AGO2: variants seen among roughly 807,000 people sequenced by gnomAD.
The protein encoded by AGO2 is protein argonaute-2.
Under a neutral mutation model 102.3 loss-of-function variants are expected in AGO2, and 5 were observed. The observed-to-expected ratio is 0.05, with a 90% CI of 0.03 to 0.10. AGO2 has a LOEUF of 0.10. Ranked by LOEUF, AGO2 falls within the 10% of genes least tolerant of loss-of-function variation. AGO2 has a pLI of 1.00. For missense variants in AGO2, 541 were observed against 1,183.7 expected, an observed-to-expected ratio of 0.46 and a Z score of 7.97; for synonymous variants, 449 against 473.1, an observed-to-expected ratio of 0.95 and a Z score of 0.66.
At chr8:140,592,620 C>T (rs2073760718) in intron 1 of AGO2, 1 of 152,300 alleles carries the variant, frequency 6.6e-6, no homozygotes, top group South Asian at 2.1e-4. Context: ...TATTACTCTA[C>T]CTTTTACAAA....
chr8:140,555,676 T>A, intron 10 of AGO2: 1 of 618,810 alleles, frequency 1.6e-6, no homozygotes. Context: ...AAAAATTATC[T>A]TCTGAAAACA....
chr8:140,579,850 A>C (rs576959548), intron 2 of AGO2, among the ~76,000 whole-genome samples: 40 of 152,322 alleles, frequency 2.6e-4, no homozygotes, highest in African/African-American at 8.9e-4. Flanking sequence ...GCCCAGAGTC[A>C]CAGAGCTCTA....
At chr8:140,559,260 C>T (rs987317413) in intron 6 of AGO2, 135 bp downstream of exon 6, 22 of 1,110,402 alleles carry the variant, frequency 2.0e-5, no homozygotes, top group South Asian at 3.0e-5. Context: ...CATGCTACCT[C>T]ATCTGATGGC....
chr8:140,611,995 C>A (rs537221604), intron 1 of AGO2, among the ~76,000 whole-genome samples: 6 of 151,008 alleles, frequency 4.0e-5, no homozygotes, highest in African/African-American at 7.3e-5. Flanking sequence ...GAGGCCGAGG[C>A]GGGCGATCAC....
chr8:140,570,188 A>AGTAG (rs1373196244), intron 3 of AGO2, among the ~76,000 whole-genome samples: 2 of 152,110 alleles, frequency 1.3e-5, no homozygotes, highest in African/African-American at 2.4e-5. Context: ...AGTGGCTTTG[A>AGTAG]GTAGGTTCTC....
At chr8:140,584,566 C>A (rs2073619084) in intron 2 of AGO2, among the ~76,000 whole-genome samples, 1 of 152,156 alleles carries the variant, frequency 6.6e-6, no homozygotes, top group African/African-American at 2.4e-5. Context: ...TCATAATGGC[C>A]ACAGCCTAGA....
At chr8:140,551,211 C>G (rs1283397094) in intron 11 of AGO2, 92 bp downstream of exon 11, 32 of 1,376,336 alleles carry the variant, frequency 2.3e-5, no homozygotes, top group Non-Finnish European at 2.9e-5. Context: ...CCCTCACCCC[C>G]ACCCCAACCA....
chr8:140,578,814 C>T (rs1345591475), intron 2 of AGO2, among the ~76,000 whole-genome samples: 2 of 152,252 alleles, frequency 1.3e-5, no homozygotes, highest in African/African-American at 4.8e-5. Context: ...AGCAGCACCC[C>T]GCACGGGGCC....
chr8:140,641,458 T>A, the AGO2 span, among the ~76,000 whole-genome samples: 1 of 152,204 alleles, frequency 6.6e-6, no homozygotes, highest in Non-Finnish European at 1.5e-5. Flanking sequence ...CTTTATACTA[T>A]CATTCTTACC....
intron 1 of AGO2, among the ~76,000 whole-genome samples, chr8:140,609,411 A>C (rs1564114888): frequency 6.6e-6 from 1 of 152,188 alleles, no homozygotes; most frequent in Non-Finnish European, 1.5e-5. Context: ...GTATGGTCTA[A>C]ACAGCTGGCA....
chr8:140,635,789 C>CGCG (rs528099474), upstream of AGO2, among the ~76,000 whole-genome samples: 625 of 129,646 alleles, frequency 4.8e-3, 13 homozygotes, highest in East Asian at 0.07. Context: ...GGGCGGGGTC[C>CGCG]GCGGCGGCGG....
At chr8:140,608,811 A>C (rs2074038747) in intron 1 of AGO2, among the ~76,000 whole-genome samples, 1 of 152,214 alleles carries the variant, frequency 6.6e-6, no homozygotes, top group African/African-American at 2.4e-5. Context: ...CCAGGGCAGC[A>C]AGGGTCATAG....
rs979376319 is a variant in AGO2 at position 140,574,074 on chromosome 8, A to G, written c.216-1142T>C. Among the ~76,000 whole-genome samples the G allele has an allele frequency of 7.2e-5, 11 of 152,156 alleles. No individual in the cohort carries two copies. The South Asian group carries it at 2.3e-3, about 32-fold the overall frequency. On this transcript the variant is annotated intron_variant, in intron 2 of 18. Coordinates refer to ENST00000220592, the MANE Select transcript of AGO2 (RefSeq NM_012154.5). ...CATTCCAATGGCAGAAGGCTGCTAG[A>G]TGCAAGGGAGCTGCTCTGCAGGGCT...
upstream of AGO2, among the ~76,000 whole-genome samples, chr8:140,638,869 C>G (rs149784134): frequency 6.5e-3 from 997 of 152,250 alleles, 6 homozygotes; most frequent in South Asian, 0.017. Flanking sequence ...AGCCACTACA[C>G]CTGACCTTAT....
chr8:140,547,764 C>T, intron 12 of AGO2, 137 bp from the exon 13 acceptor site: 2 of 1,256,540 alleles, frequency 1.6e-6, no homozygotes, highest in Non-Finnish European at 2.1e-6. Flanking sequence ...TTTGCGTGTC[C>T]CCCTCTGTCC....
intron 1 of AGO2, among the ~76,000 whole-genome samples, chr8:140,623,703 A>AT (rs1361701192): frequency 7.2e-5 from 11 of 151,986 alleles, no homozygotes; most frequent in African/African-American, 2.7e-4. Flanking sequence ...CCCTCCCTCC[A>AT]TAATGGCCAC....
At chr8:140,601,369 C>T (rs1013217763) in intron 1 of AGO2, among the ~76,000 whole-genome samples, 7 of 152,214 alleles carry the variant, frequency 4.6e-5, no homozygotes, top group South Asian at 2.1e-4. Context: ...AGCACCCCCC[C>T]GCCGCTGTGC....
chr8:140,609,401 G>A (rs1480401856), intron 1 of AGO2, among the ~76,000 whole-genome samples: 1 of 152,220 alleles, frequency 6.6e-6, no homozygotes, highest in Non-Finnish European at 1.5e-5. Context: ...GGGTCAGCCT[G>A]TATGGTCTAA....
chr8:140,575,614 G>A (rs2073452659), intron 2 of AGO2, among the ~76,000 whole-genome samples: 1 of 152,146 alleles, frequency 6.6e-6, no homozygotes, highest in Non-Finnish European at 1.5e-5. Context: ...CACACACCCT[G>A]ACTCATTTCA....
Sources: allele counts gnomAD v4.1 joint callset (sites outside exome capture counted in the v4.1 genomes callset), GRCh38; gene constraint gnomAD v4.1.1; transcripts MANE v1.5; gene names NCBI Gene and HGNC (gene_info 2026-07-23, HGNC 2026-07-21).